The following CNTNAP2 variants were observed in gnomAD, a reference collection of about 807,000 sequenced individuals.
CNTNAP2 encodes contactin associated protein 2.
A neutral mutation model predicts 155.2 loss-of-function variants in CNTNAP2; 98 were observed. The observed-to-expected ratio is 0.63, with a 90% CI of 0.54 to 0.75. CNTNAP2 has a LOEUF of 0.75. CNTNAP2 is among the 30% of genes least tolerant of loss of function. The pLI is 0.00. For missense variants in CNTNAP2, 1,727 were observed against 1,688.1 expected, an observed-to-expected ratio of 1.02 and a Z score of -0.40; for synonymous variants, 651 against 631.2, an observed-to-expected ratio of 1.03 and a Z score of -0.47.
chr7:147,346,094 C>G (rs1563168675), intron 9 of CNTNAP2, among the ~76,000 whole-genome samples: 1 of 151,960 alleles, frequency 6.6e-6, no homozygotes. Context: ...AATAGTGTTC[C>G]AGACTTATTT....
chr7:147,719,192 T>C (rs1796527182), intron 13 of CNTNAP2, among the ~76,000 whole-genome samples: 1 of 152,122 alleles, frequency 6.6e-6, no homozygotes, highest in Non-Finnish European at 1.5e-5. Flanking sequence ...GGTCAGTTTG[T>C]TGCAGAAGCT....
At chr7:148,166,488 GT>G (rs5888308) in intron 17 of CNTNAP2, among the ~76,000 whole-genome samples, 45,968 of 148,010 alleles carry the variant, frequency 0.31, 7,722 homozygotes, top group African/African-American at 0.46. Context: ...TGAGGACAGT[GT>G]TTTTTTTTTT....
intron 3 of CNTNAP2, among the ~76,000 whole-genome samples, chr7:146,845,959 T>A (rs1385744747): frequency 6.6e-6 from 1 of 152,228 alleles, no homozygotes; most frequent in African/African-American, 2.4e-5. Flanking sequence ...CAGCCATTTG[T>A]TATAGTGGTT....
At chr7:146,505,534 G>T (rs1797370842) in intron 1 of CNTNAP2, among the ~76,000 whole-genome samples, 1 of 152,182 alleles carries the variant, frequency 6.6e-6, no homozygotes, top group Non-Finnish European at 1.5e-5. Flanking sequence ...AAATACAGAT[G>T]TTCCCTGGAG....
intron 8 of CNTNAP2, among the ~76,000 whole-genome samples, chr7:147,176,311 A>T (rs1802336968): frequency 6.6e-6 from 1 of 152,144 alleles, no homozygotes; most frequent in South Asian, 2.1e-4. Flanking sequence ...CTACGGATTA[A>T]GTTAGTATTA....
At chr7:147,752,269 C>A (rs1019419738) in intron 13 of CNTNAP2, among the ~76,000 whole-genome samples, 1 of 151,986 alleles carries the variant, frequency 6.6e-6, no homozygotes, top group Non-Finnish European at 1.5e-5. Context: ...TGCAAGAAAA[C>A]CTGTTTGGGG....
chr7:148,169,544 A>T (rs1351053158), intron 17 of CNTNAP2, among the ~76,000 whole-genome samples: 2 of 152,246 alleles, frequency 1.3e-5, no homozygotes, highest in African/African-American at 2.4e-5. Flanking sequence ...TATAAAATGG[A>T]AAATTTTAAA....
chr7:146,217,332 T>C (rs2116891243), intron 1 of CNTNAP2, among the ~76,000 whole-genome samples: 1 of 152,350 alleles, frequency 6.6e-6, no homozygotes, highest in African/African-American at 2.4e-5. Context: ...TTGCATCACA[T>C]ACTCTTTATG....
At chr7:146,380,790 T>TTTTTC (rs1335619223) in intron 1 of CNTNAP2, among the ~76,000 whole-genome samples, 7 of 85,428 alleles carry the variant, frequency 8.2e-5, no homozygotes, top group African/African-American at 6.4e-4. Flanking sequence ...CGTTCTTTTT[T>TTTTTC]TTTTTTTTTT....
At chr7:146,329,160 C>G (rs1361416934) in intron 1 of CNTNAP2, among the ~76,000 whole-genome samples, 3 of 152,120 alleles carry the variant, frequency 2.0e-5, no homozygotes, top group African/African-American at 7.2e-5. Flanking sequence ...GTTCCCTTTT[C>G]TCTACATCGT....
At chr7:147,646,649 C>CA (rs1361367019) in intron 13 of CNTNAP2, among the ~76,000 whole-genome samples, 5 of 152,040 alleles carry the variant, frequency 3.3e-5, no homozygotes, top group Non-Finnish European at 7.4e-5. Context: ...GCCTTGGTTT[C>CA]ATGGCACCTG....
chr7:148,235,655 TA>T (rs1461890963), intron 20 of CNTNAP2, among the ~76,000 whole-genome samples: 1 of 151,624 alleles, frequency 6.6e-6, no homozygotes, highest in African/African-American at 2.4e-5. Context: ...ATGTGCCGGA[TA>T]ATGTGCTCCT....
chr7:147,556,027 G>A (rs1005933181), intron 11 of CNTNAP2, among the ~76,000 whole-genome samples: 29 of 152,172 alleles, frequency 1.9e-4, no homozygotes, highest in Admixed American at 1.5e-3. Flanking sequence ...CTGCGGCCAC[G>A]TCTGCATGTA....
chr7:146,901,073 G>A (rs1402296084), intron 3 of CNTNAP2, among the ~76,000 whole-genome samples: 1 of 151,430 alleles, frequency 6.6e-6, no homozygotes, highest in Non-Finnish European at 1.5e-5. Flanking sequence ...CTTTATCTCT[G>A]GACCTAAGAT....
intron 1 of CNTNAP2, among the ~76,000 whole-genome samples, chr7:146,264,037 C>T (rs1563013613): frequency 1.3e-5 from 2 of 152,206 alleles, no homozygotes; most frequent in African/African-American, 2.4e-5. Context: ...TGAATTTATT[C>T]TCCTTCGCAG....
In CNTNAP2 at chr7:146,581,505, A is replaced by G. The variant is rs544707782; in HGVS notation, c.98-192766A>G. Among the ~76,000 whole-genome samples, 6 of 152,250 alleles carry G rather than the reference A, an allele frequency of 3.9e-5. No individual in the cohort carries two copies. In the South Asian group the frequency reaches 8.3e-4, roughly 21 times the overall value. On this transcript the variant is annotated intron_variant, in intron 1 of 23. Coordinates refer to ENST00000361727, the MANE Select transcript of CNTNAP2 (RefSeq NM_014141.6). ...ATAATATTTTAACTGCGGATAGAAT[A>G]TTGAAAGTGACCTATGCTGAGAGAA...
intron 14 of CNTNAP2, among the ~76,000 whole-genome samples, chr7:147,904,231 C>G (rs538937899): frequency 6.6e-6 from 1 of 152,306 alleles, no homozygotes; most frequent in Non-Finnish European, 1.5e-5. Context: ...GCTTGCCTGT[C>G]TACTTTTCTT....
intron 18 of CNTNAP2, among the ~76,000 whole-genome samples, chr7:148,180,212 G>A (rs1371452490): frequency 6.6e-6 from 1 of 152,178 alleles, no homozygotes. Flanking sequence ...TCAGTAGGGA[G>A]AGAAACTTTT....
intron 20 of CNTNAP2, among the ~76,000 whole-genome samples, chr7:148,252,386 C>T (rs1260733291): frequency 6.6e-6 from 1 of 152,152 alleles, no homozygotes; most frequent in Non-Finnish European, 1.5e-5. Context: ...TTTTCACCAA[C>T]CTTTCCTCTC....
Sources: allele counts gnomAD v4.1 joint callset (sites outside exome capture counted in the v4.1 genomes callset), GRCh38; gene constraint gnomAD v4.1.1; transcripts MANE v1.5; gene names NCBI Gene and HGNC (gene_info 2026-07-23, HGNC 2026-07-21).